The following AFF1 variants were observed in gnomAD, a reference collection of about 807,000 sequenced individuals.
The protein encoded by AFF1 is AF4/FMR2 family member 1.
Under a neutral mutation model 121.7 loss-of-function variants are expected in AFF1, and 48 were observed. The ratio of observed to expected loss-of-function variants is 0.39; its 90% CI spans 0.31 to 0.50. The LOEUF (loss-of-function observed/expected upper bound fraction) is 0.50, where lower values mean the gene tolerates loss of function less well. Ranked by LOEUF, AFF1 falls within the 20% of genes least tolerant of loss-of-function variation. AFF1 has a pLI of 0.76. For synonymous variants in AFF1, 613 were observed against 563.0 expected, an observed-to-expected ratio of 1.09 and a Z score of -1.26; for missense variants, 1,523 against 1,511.7, an observed-to-expected ratio of 1.01 and a Z score of -0.12.
chr4:86,980,075 T>TAA (rs1472415942), intron 2 of AFF1, among the ~76,000 whole-genome samples: 2 of 152,244 alleles, frequency 1.3e-5, no homozygotes, highest in African/African-American at 2.4e-5. Context: ...CACACCCGGC[T>TAA]AATTCTTGTG....
chr4:87,063,082 G>A (rs1720943965), intron 4 of AFF1, among the ~76,000 whole-genome samples: 1 of 152,116 alleles, frequency 6.6e-6, no homozygotes, highest in Admixed American at 6.6e-5. Context: ...TCTTTGTAAG[G>A]AGATAGGTTT....
At chr4:87,005,686 C>T (rs1481787711) in intron 2 of AFF1, among the ~76,000 whole-genome samples, 1 of 152,186 alleles carries the variant, frequency 6.6e-6, no homozygotes, top group East Asian at 1.9e-4. Context: ...GGACTGCTTC[C>T]TGGGTACTTC....
intron 4 of AFF1, among the ~76,000 whole-genome samples, chr4:87,074,175 G>C (rs1428674998): frequency 6.6e-6 from 1 of 152,088 alleles, no homozygotes; most frequent in African/African-American, 2.4e-5. Context: ...AAAACACTCT[G>C]AGGTTTTCGT....
intron 16 of AFF1, among the ~76,000 whole-genome samples, chr4:87,130,137 T>C (rs746288017): frequency 4.0e-5 from 6 of 151,202 alleles, no homozygotes; most frequent in Non-Finnish European, 8.8e-5. Context: ...CACACCTGGC[T>C]AATTTTTATA....
chr4:87,021,118 C>G (rs1047238668), intron 2 of AFF1, among the ~76,000 whole-genome samples: 2 of 152,150 alleles, frequency 1.3e-5, no homozygotes, highest in Non-Finnish European at 2.9e-5. Flanking sequence ...CTGAGGTGCA[C>G]TCTCAGAATT....
chr4:87,047,067 T>C lies in AFF1; in HGVS notation c.532T>C (p.Ser178Pro). Reference sequence around the variant, plus strand: ...TCGCCTTGGTCAGGAGGGGTTCGGCTCTAGTCATCACAAGAAAGGTGACCG... The same window carrying C: ...TCGCCTTGGTCAGGAGGGGTTCGGCCCTAGTCATCACAAGAAAGGTGACCG... ...QDRLGQEGFG[S>P]SHHKKGDRRA... The change falls in exon 4 of 21, where the codon TCT becomes CCT. Residue 178 changes from serine to proline, a missense_variant. By Grantham distance (74) the Ser-to-Pro change is moderately conservative (BLOSUM62 -1). Coordinates refer to ENST00000395146, the MANE Select transcript of AFF1 (RefSeq NM_001166693.3). 1.2e-6 allele frequency: 2 copies of C among 1,614,044 alleles called. No homozygotes were observed. The highest frequency in any genetic ancestry group is 1.7e-6 in the Non-Finnish European group (2 of 1,180,014).
At chr4:86,942,066 A>G (rs189056606) in intron 1 of AFF1, among the ~76,000 whole-genome samples, 9 of 152,270 alleles carry the variant, frequency 5.9e-5, no homozygotes, top group Non-Finnish European at 1.0e-4. Context: ...AGTAAGTGCT[A>G]CATAAATGTT....
intron 19 of AFF1, 57 bp from the exon 20 acceptor site, chr4:87,134,414 A>G: frequency 2.1e-6 from 3 of 1,446,824 alleles, no homozygotes; most frequent in Non-Finnish European, 2.8e-6. Context: ...TAAATCTGTG[A>G]TCCAGGGGTC....
chr4:87,127,176 A>ACC (rs1728355505), intron 15 of AFF1, 59 bp downstream of exon 15: 27 of 905,176 alleles, frequency 3.0e-5, no homozygotes, highest in Non-Finnish European at 3.7e-5. Flanking sequence ...TCCCCCCCCC[A>ACC]CCAAGATAGA....
chr4:86,949,966 G>C (rs1007000075), intron 2 of AFF1: 87 of 1,614,062 alleles, frequency 5.4e-5, no homozygotes, highest in Non-Finnish European at 6.7e-5. Context: ...TGTGGATGGA[G>C]AAGTTGCCGA....
chr4:86,980,949 C>A (rs1476717517), intron 2 of AFF1, among the ~76,000 whole-genome samples: 1 of 119,278 alleles, frequency 8.4e-6, no homozygotes, highest in Non-Finnish European at 1.8e-5. Flanking sequence ...CTTGAGGCAC[C>A]CCCCCCCTCC....
At chr4:86,962,642 G>A (rs2149469321) in intron 2 of AFF1, among the ~76,000 whole-genome samples, 1 of 152,218 alleles carries the variant, frequency 6.6e-6, no homozygotes, top group East Asian at 1.9e-4. Flanking sequence ...CTGAAGCATT[G>A]TCTGGGACCA....
At chr4:87,107,597 T>G (rs1726048211) in intron 10 of AFF1, among the ~76,000 whole-genome samples, 1 of 152,230 alleles carries the variant, frequency 6.6e-6, no homozygotes, top group Non-Finnish European at 1.5e-5. Flanking sequence ...AGTTCTTGTT[T>G]AGAGAATATA....
intron 2 of AFF1, among the ~76,000 whole-genome samples, chr4:86,990,635 G>C (rs1400718690): frequency 1.3e-5 from 2 of 151,992 alleles, no homozygotes; most frequent in Non-Finnish European, 2.9e-5. Context: ...ATGGTGACTT[G>C]GGTAATATGA....
intron 2 of AFF1, among the ~76,000 whole-genome samples, chr4:87,003,022 C>G (rs1023766885): frequency 3.9e-5 from 6 of 151,990 alleles, no homozygotes; most frequent in African/African-American, 1.2e-4. Context: ...ATAATAATGC[C>G]CATGTTGGTA....
intron 12 of AFF1, among the ~76,000 whole-genome samples, chr4:87,123,877 G>A (rs1322831087): frequency 6.6e-6 from 1 of 152,114 alleles, no homozygotes; most frequent in Non-Finnish European, 1.5e-5. Context: ...GGTTTGTTAG[G>A]GATTGTCCTA....
intron 2 of AFF1, among the ~76,000 whole-genome samples, chr4:86,991,544 C>T (rs1322217757): frequency 6.6e-6 from 1 of 151,946 alleles, no homozygotes; most frequent in Non-Finnish European, 1.5e-5. Flanking sequence ...TTGTTTTGAC[C>T]CAGGTTCTTT....
intron 16 of AFF1, among the ~76,000 whole-genome samples, chr4:87,130,308 A>T (rs865920083): frequency 2.0e-5 from 3 of 152,222 alleles, no homozygotes; most frequent in South Asian, 2.1e-4. Flanking sequence ...CATATCAAAT[A>T]CAAAGCAGAA....
Position 87,013,707 on chromosome 4 carries a change from G to A in AFF1, c.39-32459G>A, listed in dbSNP as rs114109656. Reference sequence around the variant, plus strand: ...TTTAAGTATTGCTTACTGCTGGATTGGCAACTAAACAAATAAAAAGTAAAA... The same window carrying A: ...TTTAAGTATTGCTTACTGCTGGATTAGCAACTAAACAAATAAAAAGTAAAA... On this transcript the variant is annotated intron_variant, in intron 2 of 20. Transcript: ENST00000395146. Among the ~76,000 whole-genome samples, 378 of 147,550 alleles carry A rather than the reference G, an allele frequency of 2.6e-3. 5 individuals are homozygous for A. Among genetic ancestry groups the A allele is most frequent in the African/African-American group, 8.3e-3 (330 of 39,902 alleles).
Sources: allele counts gnomAD v4.1 joint callset (sites outside exome capture counted in the v4.1 genomes callset), GRCh38; gene constraint gnomAD v4.1.1; transcripts MANE v1.5; gene names NCBI Gene and HGNC (gene_info 2026-07-23, HGNC 2026-07-21).